The following PLOD2 variants were observed in gnomAD, a reference collection of about 807,000 sequenced individuals.
The protein encoded by PLOD2 is lysine hydroxylase 2.
In PLOD2, 65 loss-of-function variants were observed where a neutral mutation model predicts 101.0. That is an observed-to-expected ratio of 0.64 (90% CI 0.53 to 0.79). PLOD2 has a LOEUF of 0.79. PLOD2 is among the 30% of genes least tolerant of loss of function. The probability of loss-of-function intolerance (pLI) is 0.00; values close to 1 mark genes in which losing one functional copy is unlikely to be tolerated. For missense variants in PLOD2, 909 were observed against 914.6 expected (o/e 0.99, Z 0.08); for synonymous variants, 314 against 302.9 (o/e 1.04, Z -0.38).
intron 11 of PLOD2, among the ~76,000 whole-genome samples, chr3:146,084,320 T>C (rs893117166): frequency 1.3e-5 from 2 of 152,040 alleles, no homozygotes; most frequent in African/African-American, 4.8e-5. Flanking sequence ...AGAGAGGTCT[T>C]AGATTTTTGA....
chr3:146,118,508 T>C (rs1938025911), intron 3 of PLOD2, among the ~76,000 whole-genome samples: 1 of 152,172 alleles, frequency 6.6e-6, no homozygotes. Flanking sequence ...AATTTGTGTC[T>C]TTATATTTTC....
At chr3:146,128,788 A>G (rs572251165) in intron 1 of PLOD2, among the ~76,000 whole-genome samples, 3 of 151,702 alleles carry the variant, frequency 2.0e-5, no homozygotes, top group Non-Finnish European at 4.4e-5. Flanking sequence ...TTTTCTATTC[A>G]AAAACAAACC....
intron 13 of PLOD2, among the ~76,000 whole-genome samples, chr3:146,078,259 A>G (rs1434425257): frequency 6.6e-6 from 1 of 151,838 alleles, no homozygotes; most frequent in African/African-American, 2.4e-5. Flanking sequence ...AAATTAGCCA[A>G]ACATGAGCAC....
chr3:146,135,605 TAGAAAGTGATAATCTTTACC>T (rs2031185778), intron 1 of PLOD2, among the ~76,000 whole-genome samples: 1 of 152,152 alleles, frequency 6.6e-6, no homozygotes. Flanking sequence ...CTAGGTGACG[TAGAAAGTGATAATCTTTACC>T]AGATATTTAA....
At chr3:146,112,120 C>T (rs1410045566) in intron 3 of PLOD2, among the ~76,000 whole-genome samples, 1 of 152,134 alleles carries the variant, frequency 6.6e-6, no homozygotes, top group Non-Finnish European at 1.5e-5. Context: ...ATCAGAAATG[C>T]CATTTGACCC....
At chr3:146,136,049 T>C (rs1405097296) in intron 1 of PLOD2, among the ~76,000 whole-genome samples, 3 of 152,142 alleles carry the variant, frequency 2.0e-5, no homozygotes, top group East Asian at 1.9e-4. Context: ...TTTGTTTTGA[T>C]TGTATGATTT....
At chr3:146,092,691 G>GTGTC (rs1017184857) in intron 7 of PLOD2, among the ~76,000 whole-genome samples, 1 of 152,054 alleles carries the variant, frequency 6.6e-6, no homozygotes, top group African/African-American at 2.4e-5. Flanking sequence ...TCTTCTGTGT[G>GTGTC]TTTTGGGGAG....
intron 11 of PLOD2, among the ~76,000 whole-genome samples, chr3:146,082,776 T>G (rs1286142807): frequency 1.3e-5 from 2 of 151,896 alleles, no homozygotes; most frequent in Non-Finnish European, 2.9e-5. Context: ...GCACCTATAA[T>G]CCCAGCTAAT....
intron 8 of PLOD2, chr3:146,088,942 A>C: frequency 2.0e-6 from 1 of 495,904 alleles, no homozygotes; most frequent in Non-Finnish European, 3.6e-6. Context: ...GTTAGGTTTA[A>C]AGATGAAATT....
At chr3:146,104,831 A>C (rs1937509823) in intron 5 of PLOD2, among the ~76,000 whole-genome samples, 1 of 152,224 alleles carries the variant, frequency 6.6e-6, no homozygotes, top group South Asian at 2.1e-4. Context: ...ATCTGCTTAA[A>C]ATAAAAAAAC....
chr3:146,081,719 A>AT lies in PLOD2; in HGVS notation c.1358+18dup. On this transcript the variant is annotated intron_variant, in intron 12 of 19. Coordinates refer to ENST00000282903, the MANE Select transcript of PLOD2 (RefSeq NM_182943.3). Reference sequence around the variant, plus strand: ...AGATTATGGTATTTCACATTAAAATATTAAACCAAGTAACTTACACTCTAT... The same window carrying AT: ...AGATTATGGTATTTCACATTAAAATATTTAAACCAAGTAACTTACACTCTAT... 6.3e-7 allele frequency: 1 copy of AT among 1,590,830 alleles called. No homozygotes were observed. Among genetic ancestry groups the AT allele is most frequent in the Non-Finnish European group, 8.6e-7 (1 of 1,159,698 alleles).
chr3:146,090,462 A>G (rs1453452710), intron 8 of PLOD2, among the ~76,000 whole-genome samples: 1 of 151,638 alleles, frequency 6.6e-6, no homozygotes, highest in Non-Finnish European at 1.5e-5. Flanking sequence ...TTTGCACCAG[A>G]AAGTTTATAC....
At chr3:146,111,410 C>T (rs1303057974) in intron 3 of PLOD2, among the ~76,000 whole-genome samples, 1 of 152,056 alleles carries the variant, frequency 6.6e-6, no homozygotes, top group African/African-American at 2.4e-5. Context: ...AACCTTAGGA[C>T]AAGTCACTTA....
At chr3:146,097,156 G>A (rs1011279217) in intron 7 of PLOD2, among the ~76,000 whole-genome samples, 2 of 147,700 alleles carry the variant, frequency 1.4e-5, no homozygotes, top group African/African-American at 5.0e-5. Flanking sequence ...CCGGCCAGCC[G>A]CCCAGTCCGG....
In PLOD2 at chr3:146,109,523, G is replaced by A. The variant is rs774486244; in HGVS notation, c.502+762C>T. 2.2e-4 allele frequency among the ~76,000 whole-genome samples: 33 copies of A among 152,278 alleles called. No individual in the cohort carries two copies. The South Asian group carries it at 2.9e-3, about 13-fold the overall frequency. On this transcript the variant is annotated intron_variant, in intron 4 of 19. Coordinates refer to ENST00000282903, the MANE Select transcript of PLOD2 (RefSeq NM_182943.3). ...CCTGGATAGTACTGGTTATATACACGTAGATCACCCCCAAAATCCATTTTT... is the reference window on the plus strand; with the variant it reads ...CCTGGATAGTACTGGTTATATACACATAGATCACCCCCAAAATCCATTTTT...
chr3:146,085,212 A>G lies in PLOD2; in HGVS notation c.1189T>C (p.Leu397=), dbSNP rs1239742490. Residue 397 remains leucine, a synonymous_variant, in exon 11 of 20, where the codon TTG becomes CTG. Transcript: ENST00000282903. Reference sequence around the variant, plus strand: ...ATTTTTAAAGTCCTTGGATTTGTCAAAACAACATCTGCATCCACACTAAAG... The same window carrying G: ...ATTTTTAAAGTCCTTGGATTTGTCAGAACAACATCTGCATCCACACTAAAG... ...YYFSVDADVV[L]TNPRTLKILI... 9.3e-6 allele frequency: 15 copies of G among 1,607,080 alleles called. No individual in the cohort carries two copies. The highest frequency in any genetic ancestry group is 3.3e-5 in the Admixed American group (2 of 59,942).
At chr3:146,099,463 C>T (rs1937310807) in intron 7 of PLOD2, among the ~76,000 whole-genome samples, 1 of 152,182 alleles carries the variant, frequency 6.6e-6, no homozygotes, top group Non-Finnish European at 1.5e-5. Flanking sequence ...ATGGCCCGAT[C>T]TTGGCTGACT....
At chr3:146,104,436 A>C in intron 5 of PLOD2, 94 bp from the exon 6 acceptor site, 2 of 726,856 alleles carry the variant, frequency 2.8e-6, no homozygotes, top group South Asian at 3.1e-5. Flanking sequence ...GAGGGAATTT[A>C]AAGTTTAATA....
intron 7 of PLOD2, among the ~76,000 whole-genome samples, chr3:146,092,238 T>C (rs1021698589): frequency 1.3e-5 from 2 of 151,988 alleles, no homozygotes; most frequent in African/African-American, 2.4e-5. Context: ...TGAGACTTAT[T>C]AGGAAAAATA....
Sources: allele counts gnomAD v4.1 joint callset (sites outside exome capture counted in the v4.1 genomes callset), GRCh38; gene constraint gnomAD v4.1.1; transcripts MANE v1.5; gene names NCBI Gene and HGNC (gene_info 2026-07-23, HGNC 2026-07-21).